The following PRKN variants were observed in gnomAD, a reference collection of about 807,000 sequenced individuals.
The protein encoded by PRKN is E3 ubiquitin-protein ligase parkin.
In PRKN, 56 loss-of-function variants were observed where a neutral mutation model predicts 59.5. The observed-to-expected ratio is 0.94, with a 90% confidence interval of 0.76 to 1.18. The LOEUF (loss-of-function observed/expected upper bound fraction) is 1.18, where lower values mean the gene tolerates loss of function less well. Ranked by LOEUF, PRKN falls within the 50% of genes most tolerant of loss-of-function variation. The pLI, the probability that PRKN is intolerant of heterozygous loss-of-function variation, is 0.00. For synonymous variants in PRKN, 250 were observed against 222.1 expected (o/e 1.13, Z -1.12); for missense variants, 657 against 596.4 (o/e 1.10, Z -1.06).
intron 1 of PRKN, among the ~76,000 whole-genome samples, chr6:162,663,972 G>A (rs934796241): frequency 2.0e-5 from 3 of 150,760 alleles, no homozygotes; most frequent in African/African-American, 4.9e-5. Context: ...AGGTATACAC[G>A]TTCTGGTACA....
rs1455254125 is a variant in PRKN at position 161,367,731 on chromosome 6, G to C, written c.1168-7526C>G. ...GCTGCAGGGTGTTAGAGGGAGGGGC[G>C]GCCGGCGGGTCCGAGACCCTGCTGC... is the stretch of plus-strand genomic sequence containing the variant. On this transcript the variant is annotated intron_variant, in intron 10 of 11. Coordinates refer to ENST00000366898, the MANE Select transcript of PRKN (RefSeq NM_004562.3). Among the ~76,000 whole-genome samples, 9 of 152,164 alleles carry C rather than the reference G, an allele frequency of 5.9e-5. No individual in the cohort carries two copies. The South Asian group carries it at 1.0e-3, about 18-fold the overall frequency.
rs1329369230 is a variant in PRKN, at chr6:162,425,723, A to G, written c.171+17587T>C. Among the ~76,000 whole-genome samples the G allele has an allele frequency of 2.6e-5, 4 of 152,234 alleles. No homozygotes were observed. The East Asian group carries it at 7.7e-4, about 29-fold the overall frequency. ...AGAGATAAAGTGATGAAGAACTTAG[A>G]GAGGAAGTGAGAGGTACTGAAAAAG... On this transcript the variant is annotated intron_variant, in intron 2 of 11. Transcript: ENST00000366898.
chr6:161,833,978 A>G (rs940334413), intron 6 of PRKN, among the ~76,000 whole-genome samples: 1 of 152,186 alleles, frequency 6.6e-6, no homozygotes, highest in African/African-American at 2.4e-5. Flanking sequence ...TGGGAAACCA[A>G]TTACTTAGAA....
intron 2 of PRKN, among the ~76,000 whole-genome samples, chr6:162,397,524 G>A (rs1328460284): frequency 6.6e-6 from 1 of 151,870 alleles, no homozygotes; most frequent in Non-Finnish European, 1.5e-5. Flanking sequence ...CCGAAGACAA[G>A]CAAATATAAC....
chr6:162,311,006 C>A (rs1782487802), intron 2 of PRKN, among the ~76,000 whole-genome samples: 2 of 152,018 alleles, frequency 1.3e-5, no homozygotes, highest in African/African-American at 4.8e-5. Flanking sequence ...TTTCTGATGA[C>A]CATAGCGTTC....
rs1484733121 is a variant in PRKN, at chr6:161,679,743, T to G, written c.871+106029A>C. 1.4e-4 allele frequency among the ~76,000 whole-genome samples: 8 copies of G among 57,254 alleles called. No individual in the cohort carries two copies. The South Asian group carries it at 6.1e-3, about 43-fold the overall frequency. The allele number at this position is 57,254 out of a possible 152,430, so 37.6% of individuals were successfully genotyped here. A position where few individuals can be genotyped will look rare whatever the true frequency, so the allele number is the denominator to read the frequency against. On this transcript the variant is annotated intron_variant, in intron 7 of 11. Transcript: ENST00000366898. Reference sequence around the variant, plus strand: ...AAATGTTTTCAGTTCAGAGCCAGCTTTTTTTTTTTTTTTTTTTTTTTTTTT... The same window carrying G: ...AAATGTTTTCAGTTCAGAGCCAGCTGTTTTTTTTTTTTTTTTTTTTTTTTT...
chr6:161,875,001 A>ATACTT (rs1794660397), intron 6 of PRKN, among the ~76,000 whole-genome samples: 1 of 92,706 alleles, frequency 1.1e-5, no homozygotes, highest in Admixed American at 1.5e-4. Context: ...TATATATAAT[A>ATACTT]TATTATATAT....
chr6:161,613,024 T>C (rs9365306), intron 7 of PRKN, among the ~76,000 whole-genome samples: 2,659 of 152,264 alleles, frequency 0.017, 55 homozygotes, highest in East Asian at 0.073. Flanking sequence ...TTAAGAAATA[T>C]ATTTCATAAG....
Position 162,555,981 on chromosome 6 carries a change from C to CAAAAAAAAAAAAAAAAA in PRKN, c.8-112525_8-112509dup, listed in dbSNP as rs772336975. On this transcript the variant is annotated intron_variant, in intron 1 of 11. Transcript: ENST00000366898. The stretch of plus-strand genomic sequence containing the variant: ...GGGCAACAAGAGCGAAACTCCATCT[C>CAAAAAAAAAAAAAAAAA]AAAAAAAAAAAAAAAAAAGTGAGAA... Among the ~76,000 whole-genome samples, 20 of 90,326 alleles carry CAAAAAAAAAAAAAAAAA rather than the reference C, an allele frequency of 2.2e-4. 1 individual carries two copies. The highest frequency in any genetic ancestry group is 4.9e-4 in the South Asian group (1 of 2,060). The allele number at this position is 90,326 out of a possible 152,430, so 59.3% of individuals were successfully genotyped here. A position where few individuals can be genotyped will look rare whatever the true frequency, so the allele number is the denominator to read the frequency against.
At chr6:162,156,175 C>T (rs1009597614) in intron 4 of PRKN, among the ~76,000 whole-genome samples, 1 of 152,084 alleles carries the variant, frequency 6.6e-6, no homozygotes, top group Admixed American at 6.5e-5. Flanking sequence ...TATTGGATAC[C>T]AATGACAGTC....
intron 4 of PRKN, among the ~76,000 whole-genome samples, chr6:162,104,775 G>A (rs900156584): frequency 5.3e-5 from 8 of 151,956 alleles, no homozygotes; most frequent in African/African-American, 1.9e-4. Flanking sequence ...AGGAGTAGGA[G>A]GAAAACGACA....
chr6:162,585,141 C>T (rs1780992555), intron 1 of PRKN, among the ~76,000 whole-genome samples: 1 of 151,444 alleles, frequency 6.6e-6, no homozygotes. Context: ...TCTCATGATC[C>T]ACCCACCTCA....
intron 1 of PRKN, among the ~76,000 whole-genome samples, chr6:162,580,035 T>G (rs891175993): frequency 6.6e-6 from 1 of 152,196 alleles, no homozygotes; most frequent in African/African-American, 2.4e-5. Flanking sequence ...ACAACTCCTT[T>G]TAAGATCCAG....
At chr6:161,897,966 C>CAA (rs55714271) in intron 6 of PRKN, among the ~76,000 whole-genome samples, 2,916 of 38,260 alleles carry the variant, frequency 0.076, 577 homozygotes, top group African/African-American at 0.39. Context: ...GACTCCGTCT[C>CAA]AAAAAAAAAA....
intron 2 of PRKN, among the ~76,000 whole-genome samples, chr6:162,344,471 T>C (rs1222037301): frequency 1.3e-5 from 2 of 152,114 alleles, no homozygotes; most frequent in Non-Finnish European, 2.9e-5. Context: ...AGTTATTAGC[T>C]GAAATGATGC....
intron 9 of PRKN, among the ~76,000 whole-genome samples, chr6:161,509,464 T>C (rs1778298620): frequency 6.6e-6 from 1 of 152,040 alleles, no homozygotes; most frequent in Admixed American, 6.6e-5. Flanking sequence ...CAGGTGGGCA[T>C]GGTGGCAGAT....
rs766892176 is a variant in PRKN, at chr6:161,560,287, T to A, written c.933+9068A>T. Among the ~76,000 whole-genome samples the A allele has an allele frequency of 1.6e-4, 24 of 152,192 alleles. No individual in the cohort carries two copies. Among genetic ancestry groups the A allele is most frequent in the Admixed American group, 1.3e-4 (2 of 15,282 alleles). Reference sequence around the variant, plus strand: ...CTGATCCATCTCCCTTGCAACCTTTTCAAGTGAAGGCTGCTTTTCATTTCA... The same window carrying A: ...CTGATCCATCTCCCTTGCAACCTTTACAAGTGAAGGCTGCTTTTCATTTCA... On this transcript the variant is annotated intron_variant, in intron 8 of 11. Transcript: ENST00000366898. This position sits in a 1 kb window ranked among gnomAD's most constrained non-coding sequence, Gnocchi z 4.9.
chr6:162,193,351 A>G (rs182908640), intron 4 of PRKN, among the ~76,000 whole-genome samples: 125 of 152,336 alleles, frequency 8.2e-4, no homozygotes, highest in African/African-American at 3.0e-3. Context: ...TACTTATTTC[A>G]GATCAATGCT....
intron 7 of PRKN, among the ~76,000 whole-genome samples, chr6:161,760,528 G>A (rs928362052): frequency 6.6e-6 from 1 of 151,948 alleles, no homozygotes; most frequent in Non-Finnish European, 1.5e-5. Context: ...TCCTCCTCCT[G>A]TGTGGAACCC....
Sources: allele counts gnomAD v4.1 joint callset (sites outside exome capture counted in the v4.1 genomes callset), GRCh38; gene constraint gnomAD v4.1.1; non-coding constraint Gnocchi (gnomAD v3.1); transcripts MANE v1.5; gene names NCBI Gene and HGNC (gene_info 2026-07-23, HGNC 2026-07-21).